INHBB: variants seen among roughly 807,000 people sequenced by gnomAD.
INHBB encodes the protein inhibin beta B chain.
In INHBB, 8 loss-of-function variants were observed where a neutral mutation model predicts 28.9. That is an observed-to-expected ratio of 0.28 (90% CI 0.16 to 0.50). INHBB has a LOEUF of 0.50. Among genes scored for constraint, INHBB ranks in the 20% least tolerant of loss-of-function variants. The pLI is 0.98. For missense variants in INHBB, 499 were observed against 597.8 expected (o/e 0.83, Z 1.72); for synonymous variants, 293 against 262.7 (o/e 1.12, Z -1.12).
At position 120,346,632 on chromosome 2, in the gene INHBB, G is replaced by C. The variant is rs1252992323; in HGVS notation, c.444G>C (p.Glu148Asp). 3 of 1,442,828 alleles carry C rather than the reference G, an allele frequency of 2.1e-6. No individual in the cohort carries two copies. Among genetic ancestry groups the C allele is most frequent in the Middle Eastern group, 1.8e-4 (1 of 5,456 alleles). 89.4% of individuals were successfully genotyped at this position (1,442,828 alleles called of 1,614,324 possible). The change falls in exon 1 of 2, where the codon GAG becomes GAC. Residue 148 changes from glutamate to aspartate, a missense_variant. Glu to Asp is a conservative substitution (Grantham distance 45, BLOSUM62 2). Transcript: ENST00000295228. ...TTTCCGAAATCATCAGCTTCGCCGA[G>C]ACAGGTGGGTCCGGCCCTCCGGCTG... ...ERVSEIISFA[E>D]TDGLASSRVR...
At position 120,346,503 on chromosome 2, in the gene INHBB, G is replaced by T; in HGVS notation, c.315G>T (p.Thr105=). The change falls in exon 1 of 2, where the codon ACG becomes ACT. Residue 105 remains threonine, a synonymous_variant. Transcript: ENST00000295228. Reference sequence around the variant, plus strand: ...CCGTGCCTAAGGCCGCCATGGTCACGGCCCTGCGCAAGCTGCACGCGGGCA... The same window carrying T: ...CCGTGCCTAAGGCCGCCATGGTCACTGCCCTGCGCAAGCTGCACGCGGGCA... The part of the protein sequence containing the change: ...THAVPKAAMV[T]ALRKLHAGKV... 6.5e-7 allele frequency: 1 copy of T among 1,540,176 alleles called. No individual in the cohort carries two copies.
chr2:120,348,678 A>G (rs995303199), intron 1 of INHBB, among the ~76,000 whole-genome samples: 2 of 138,742 alleles, frequency 1.4e-5, no homozygotes, highest in Non-Finnish European at 3.2e-5. Context: ...AAAAAAAAAA[A>G]GCCCTACTAA....
chr2:120,347,012 G>A (rs1322889340), intron 1 of INHBB, among the ~76,000 whole-genome samples: 1 of 152,248 alleles, frequency 6.6e-6, no homozygotes, highest in Non-Finnish European at 1.5e-5. Flanking sequence ...CGGAGTGTAG[G>A]CTTAGCAGTG....
Position 120,350,159 on chromosome 2 carries a change from C to T in INHBB, c.*285C>T. ...ACCCACACAGCAGCCTCCAGGATAC[C>T]AGCAAATGGATGCGGTGACAAATGG... On this transcript the variant is annotated 3_prime_UTR_variant, in exon 2 of 2. Transcript: ENST00000295228. 2.4e-6 allele frequency: 1 copy of T among 422,960 alleles called. No individual in the cohort carries two copies. The allele number at this position is 422,960 out of a possible 1,614,324, so 26.2% of individuals were successfully genotyped here.
rs7566379 is a variant in INHBB at position 120,349,030 on chromosome 2, G to C, written c.449-69G>C. 4.1e-4 allele frequency: 621 copies of C among 1,503,298 alleles called. 1 individual carries two copies. The African/African-American group carries it at 7.6e-3, about 18-fold the overall frequency. The allele number at this position is 1,503,298 out of a possible 1,614,324, so 93.1% of individuals were successfully genotyped here. A position where few individuals can be genotyped will look rare whatever the true frequency, so the allele number is the denominator to read the frequency against. Reference sequence around the variant, plus strand: ...TTGCATTCCAGCATCCTGCAGCAGAGAGTGTGTTTCCCCCATTGCCTTGTG... The same window carrying C: ...TTGCATTCCAGCATCCTGCAGCAGACAGTGTGTTTCCCCCATTGCCTTGTG... On this transcript the variant is annotated intron_variant, in intron 1 of 1. Transcript: ENST00000295228. This position sits in a 1 kb window ranked among gnomAD's most constrained non-coding sequence, Gnocchi z 5.6.
chr2:120,350,070 C>T lies in INHBB; in HGVS notation c.*196C>T. ...AACCAGTCAAAACCAGAGCGAGAAC[C>T]CTCAACTGACATGAAATACTTTAAA... On this transcript the variant is annotated 3_prime_UTR_variant, in exon 2 of 2. Coordinates refer to ENST00000295228, the MANE Select transcript of INHBB (RefSeq NM_002193.4). 4 of 593,690 alleles carry T rather than the reference C, an allele frequency of 6.7e-6. No homozygotes were observed. Among genetic ancestry groups the T allele is most frequent in the Non-Finnish European group, 1.2e-5 (4 of 341,392 alleles). 36.8% of individuals were successfully genotyped at this position (593,690 alleles called of 1,614,324 possible). A position where few individuals can be genotyped will look rare whatever the true frequency, so the allele number is the denominator to read the frequency against.
Position 120,346,325 on chromosome 2 carries a change from G to T in INHBB, c.137G>T (p.Gly46Val). ...GCGCCGCCGCCACCCCCGCCACCCG[G>T]ATCCCCGGGTGGCTCGCAGGACACC... is the stretch of plus-strand genomic sequence containing the variant. ...PAAPPPPPPP[G>V]SPGGSQDTCT... Residue 46 changes from glycine (G) to valine (V), a missense_variant, in exon 1 of 2, where the codon GGA becomes GTA. Gly to Val is a moderately radical substitution (Grantham distance 109). Around this residue, in one of 2 missense-constraint regions of INHBB, gnomAD observed 385 missense variants for 415.2 expected, o/e 0.93. Transcript: ENST00000295228. 7.2e-7 allele frequency: 1 copy of T among 1,388,032 alleles called. No homozygotes were observed. Among genetic ancestry groups the T allele is most frequent in the Non-Finnish European group, 9.3e-7 (1 of 1,077,576 alleles). The allele number at this position is 1,388,032 out of a possible 1,614,324, so 86.0% of individuals were successfully genotyped here.
rs867394312 is a variant in INHBB, at chr2:120,349,518, C to T, written c.868C>T (p.Arg290Cys). The change falls in exon 2 of 2, where the codon CGC becomes TGC. Residue 290 changes from arginine to cysteine, a missense_variant. This residue lies in a region of INHBB where 114 missense variants were observed against 182.6 expected (regional missense o/e 0.62). Coordinates refer to ENST00000295228, the MANE Select transcript of INHBB (RefSeq NM_002193.4). The surrounding 1 kb of genome is among the most constrained non-coding windows in gnomAD (Gnocchi z 5.6). ...GCTGGGCGACAGCAGGCACCGCATT[C>T]GCAAGCGAGGCCTGGAGTGCGATGG... ...ARLGDSRHRI[R>C]KRGLECDGRT... is the part of the protein sequence containing the mutation. The T allele has an allele frequency of 1.2e-6, 2 of 1,613,728 alleles. No individual in the cohort carries two copies. The highest frequency in any genetic ancestry group is 1.7e-6 in the Non-Finnish European group (2 of 1,179,990).
At chr2:120,346,773 C>A (rs1691163914) in intron 1 of INHBB, 137 bp downstream of exon 1, 1 of 894,122 alleles carries the variant, frequency 1.1e-6, no homozygotes, top group Non-Finnish European at 1.5e-6. Context: ...AGAGCTCCTT[C>A]GGCCGTGGCC....
Position 120,349,162 on chromosome 2 carries a change from T to C in INHBB, c.512T>C (p.Leu171Pro), listed in dbSNP as rs967062614. Residue 171 changes from leucine (L) to proline (P), a missense_variant, in exon 2 of 2, where the codon CTG becomes CCG. Leu to Pro is a moderately conservative substitution (Grantham distance 98, BLOSUM62 -3). Coordinates refer to ENST00000295228, the MANE Select transcript of INHBB (RefSeq NM_002193.4). The surrounding 1 kb of genome is among the most constrained non-coding windows in gnomAD (Gnocchi z 5.6). ...ATCTCCAACGAAGGCAACCAGAACC[T>C]GTTTGTGGTCCAGGCCAGCCTGTGG... ...FFISNEGNQNLFVVQASLWLY... is the reference protein window; with the variant it reads ...FFISNEGNQNPFVVQASLWLY... 6.8e-6 allele frequency: 11 copies of C among 1,613,920 alleles called. No individual in the cohort carries two copies. Among genetic ancestry groups the C allele is most frequent in the Non-Finnish European group, 9.3e-6 (11 of 1,180,008 alleles).
Position 120,351,298 on chromosome 2 carries a change from GCTT to G in INHBB, c.*1428_*1430del, listed in dbSNP as rs1691253638. 5 of 151,576 alleles carry G rather than the reference GCTT, an allele frequency of 3.3e-5. No homozygotes were observed. Among genetic ancestry groups the G allele is most frequent in the Admixed American group, 3.3e-4 (5 of 15,186 alleles). 9.4% of individuals were successfully genotyped at this position (151,576 alleles called of 1,614,324 possible). A position where few individuals can be genotyped will look rare whatever the true frequency, so the allele number is the denominator to read the frequency against. On this transcript the variant is annotated 3_prime_UTR_variant, in exon 2 of 2. Coordinates refer to ENST00000295228, the MANE Select transcript of INHBB (RefSeq NM_002193.4). Reference sequence around the variant, plus strand: ...TTTTATACTTGAAATGAAATCCTTTGCTTCTTTTTTAAGCGAATGATTGCTTTT... The same window carrying G: ...TTTTATACTTGAAATGAAATCCTTTGCTTTTTTAAGCGAATGATTGCTTTT...
rs1207428819 is a variant in INHBB at position 120,349,273 on chromosome 2, A to G, written c.623A>G (p.His208Arg). The change falls in exon 2 of 2, where the codon CAC (histidine) becomes CGC (arginine). Residue 208 changes from histidine (H) to arginine (R), a missense_variant. Physicochemically the swap from His to Arg is conservative, Grantham distance 29 (BLOSUM62 0). This residue lies in a region of INHBB where 385 missense variants were observed against 415.2 expected (regional missense o/e 0.93). Coordinates refer to ENST00000295228, the MANE Select transcript of INHBB (RefSeq NM_002193.4). This position sits in a 1 kb window ranked among gnomAD's most constrained non-coding sequence, Gnocchi z 5.6. ...RVKVYFQEQG[H>R]GDRWNMVEKR... The stretch of plus-strand genomic sequence containing the variant: ...AAAGTGTACTTCCAGGAGCAGGGCC[A>G]CGGTGACAGGTGGAACATGGTGGAG... The G allele has an allele frequency of 1.9e-6, 3 of 1,614,084 alleles. No individual in the cohort carries two copies. Among genetic ancestry groups the G allele is most frequent in the Non-Finnish European group, 2.5e-6 (3 of 1,180,048 alleles).
At position 120,346,331 on chromosome 2, in the gene INHBB, CG is replaced by C; in HGVS notation, c.146del (p.Gly49ValfsTer30). 7.2e-7 allele frequency: 1 copy of C among 1,393,208 alleles called. No homozygotes were observed. 86.3% of individuals were successfully genotyped at this position (1,393,208 alleles called of 1,614,324 possible). ...APPPPPPPGS[P>X]GGSQDTCTSC... ...CCGCCACCCCCGCCACCCGGATCCC[CG>C]GGTGGCTCGCAGGACACCTGTACGT... On this transcript the variant is annotated frameshift_variant, in exon 1 of 2. Transcript: ENST00000295228. LOFTEE classifies it high-confidence loss of function.
In INHBB at chr2:120,351,398, C is replaced by CAAAA. The variant is rs71706683; in HGVS notation, c.*1537_*1540dup. Reference sequence around the variant, plus strand: ...TGAAAAAAAGTTATTTTTATAGCAGCAAAAAAAAAAAAAAAAGAATACAGT... The same window carrying CAAAA: ...TGAAAAAAAGTTATTTTTATAGCAGCAAAAAAAAAAAAAAAAAAAAGAATACAGT... On this transcript the variant is annotated 3_prime_UTR_variant, in exon 2 of 2. Coordinates refer to ENST00000295228, the MANE Select transcript of INHBB (RefSeq NM_002193.4). The CAAAA allele has an allele frequency of 1.7e-5, 2 of 115,026 alleles. No individual in the cohort carries two copies. Among genetic ancestry groups the CAAAA allele is most frequent in the Non-Finnish European group, 4.0e-5 (2 of 50,032 alleles). The allele number at this position is 115,026 out of a possible 1,614,324, so 7.1% of individuals were successfully genotyped here.
Position 120,349,463 on chromosome 2 carries a change from G to C in INHBB, c.813G>C (p.Ser271=), listed in dbSNP as rs778038309. The stretch of plus-strand genomic sequence containing the variant: ...TGTTCGTGGACCCAGGCGAAGAGTC[G>C]CACCGGCCCTTTGTGGTGGTGCAGG... ...VPVFVDPGEE[S]HRPFVVVQAR... Residue 271 remains serine (S), a synonymous_variant, in exon 2 of 2, where the codon TCG becomes TCC. Coordinates refer to ENST00000295228, the MANE Select transcript of INHBB (RefSeq NM_002193.4). The surrounding 1 kb of genome is among the most constrained non-coding windows in gnomAD (Gnocchi z 5.6). 2 of 1,613,698 alleles carry C rather than the reference G, an allele frequency of 1.2e-6. No individual in the cohort carries two copies. The highest frequency in any genetic ancestry group is 2.7e-5 in the African/African-American group (2 of 75,046).
chr2:120,350,130 T>C lies in INHBB; in HGVS notation c.*256T>C, dbSNP rs564422852. 3 of 486,228 alleles carry C rather than the reference T, an allele frequency of 6.2e-6. No individual in the cohort carries two copies. In the South Asian group the frequency reaches 8.9e-5, roughly 14 times the overall value. 30.1% of individuals were successfully genotyped at this position (486,228 alleles called of 1,614,324 possible). On this transcript the variant is annotated 3_prime_UTR_variant, in exon 2 of 2. Coordinates refer to ENST00000295228, the MANE Select transcript of INHBB (RefSeq NM_002193.4). ...TAGCCACGCACAGCCAGACGCATCC[T>C]GCCACCCACACAGCAGCCTCCAGGA...
chr2:120,349,649 G>A lies in INHBB; in HGVS notation c.999G>A (p.Glu333=). The A allele has an allele frequency of 6.2e-7, 1 of 1,613,812 alleles. No homozygotes were observed. The part of the protein sequence containing the change: ...APTGYYGNYC[E]GSCPAYLAGV... ...CCGGCTACTACGGGAACTACTGTGAGGGCAGCTGCCCAGCCTACCTGGCAG... is the reference window on the plus strand; with the variant it reads ...CCGGCTACTACGGGAACTACTGTGAAGGCAGCTGCCCAGCCTACCTGGCAG... The change falls in exon 2 of 2, where the codon GAG becomes GAA. Residue 333 remains glutamate (E), a synonymous_variant. Coordinates refer to ENST00000295228, the MANE Select transcript of INHBB (RefSeq NM_002193.4). This position sits in a 1 kb window ranked among gnomAD's most constrained non-coding sequence, Gnocchi z 5.6.
At chr2:120,347,004 G>A (rs1326955921) in intron 1 of INHBB, among the ~76,000 whole-genome samples, 1 of 152,276 alleles carries the variant, frequency 6.6e-6, no homozygotes, top group African/African-American at 2.4e-5. Flanking sequence ...CCCACGATCG[G>A]AGTGTAGGCT....
At chr2:120,347,737 GGGGATGAAAA>G (rs1222636853) in intron 1 of INHBB, among the ~76,000 whole-genome samples, 1 of 152,354 alleles carries the variant, frequency 6.6e-6, no homozygotes, top group Non-Finnish European at 1.5e-5. Flanking sequence ...CAGGCAGCCC[GGGGATGAAAA>G]GGGATGAAAA....
Sources: allele counts gnomAD v4.1 joint callset (sites outside exome capture counted in the v4.1 genomes callset), GRCh38; gene constraint gnomAD v4.1.1; regional missense constraint gnomAD v4.1.1; non-coding constraint Gnocchi (gnomAD v3.1); transcripts MANE v1.5; gene names NCBI Gene and HGNC (gene_info 2026-07-23, HGNC 2026-07-21).